GABRG3: variants seen among roughly 807,000 people sequenced by gnomAD.
GABRG3 encodes gamma-aminobutyric acid type A receptor subunit gamma3.
Under a neutral mutation model 48.8 loss-of-function variants are expected in GABRG3, and 25 were observed. The observed-to-expected ratio is 0.51, with a 90% CI of 0.37 to 0.72. GABRG3 has a LOEUF of 0.72. GABRG3 is among the 30% of genes least tolerant of loss of function. The pLI, the probability that GABRG3 is intolerant of heterozygous loss-of-function variation, is 0.00. For synonymous variants in GABRG3, 227 were observed against 217.6 expected (o/e 1.04, Z -0.38); for missense variants, 394 against 577.9 (o/e 0.68, Z 3.26).
At chr15:27,262,909 T>A (rs28499121) in intron 3 of GABRG3, among the ~76,000 whole-genome samples, 6 of 152,142 alleles carry the variant, frequency 3.9e-5, no homozygotes, top group African/African-American at 1.2e-4. Context: ...CCTAGTGCTA[T>A]TTTCTGCAAG....
intron 5 of GABRG3, among the ~76,000 whole-genome samples, chr15:27,478,815 A>C (rs1890024798): frequency 1.3e-5 from 2 of 152,236 alleles, no homozygotes; most frequent in Admixed American, 1.3e-4. Flanking sequence ...TTTGGCAATA[A>C]ATGAGAATGG....
At chr15:27,417,232 A>C (rs1244793782) in intron 5 of GABRG3, among the ~76,000 whole-genome samples, 1 of 152,186 alleles carries the variant, frequency 6.6e-6, no homozygotes, top group Non-Finnish European at 1.5e-5. Context: ...CAGTGGGTAG[A>C]GCCCAGAGAT....
chr15:27,400,473 T>C (rs534856839), intron 5 of GABRG3, among the ~76,000 whole-genome samples: 32 of 152,354 alleles, frequency 2.1e-4, no homozygotes, highest in South Asian at 4.1e-4. Flanking sequence ...GATACTATGC[T>C]TTGATGTTAA....
intron 3 of GABRG3, among the ~76,000 whole-genome samples, chr15:27,239,330 G>A (rs1451513303): frequency 6.6e-6 from 1 of 152,098 alleles, no homozygotes; most frequent in Non-Finnish European, 1.5e-5. Flanking sequence ...CCCTCTCTTC[G>A]TGGCCTTCCC....
intron 3 of GABRG3, among the ~76,000 whole-genome samples, chr15:27,229,196 G>A (rs1239683970): frequency 1.3e-5 from 2 of 152,048 alleles, no homozygotes; most frequent in Non-Finnish European, 2.9e-5. Context: ...CTATAGTTTT[G>A]GGTTTTACAT....
chr15:27,226,885 A>T (rs1294466992), intron 3 of GABRG3, among the ~76,000 whole-genome samples: 2 of 152,190 alleles, frequency 1.3e-5, no homozygotes, highest in African/African-American at 4.8e-5. Context: ...TTGGCCTAGG[A>T]TACGTTGTCC....
intron 3 of GABRG3, among the ~76,000 whole-genome samples, chr15:27,307,085 T>C (rs1401651304): frequency 3.1e-5 from 4 of 128,266 alleles, no homozygotes; most frequent in African/African-American, 1.3e-4. Flanking sequence ...CATGTTTATA[T>C]ATAAACATAT....
chr15:27,500,584 C>T (rs1045978991), intron 6 of GABRG3, among the ~76,000 whole-genome samples: 3 of 152,216 alleles, frequency 2.0e-5, no homozygotes, highest in Non-Finnish European at 4.4e-5. Flanking sequence ...AAAGCAGGCC[C>T]TTATATTCCC....
At chr15:26,977,694 G>A (rs1894978010) in intron 2 of GABRG3, among the ~76,000 whole-genome samples, 1 of 152,156 alleles carries the variant, frequency 6.6e-6, no homozygotes. Context: ...CATGGTATGA[G>A]TGTATCACAG....
chr15:27,008,766 C>T (rs1306909692), intron 2 of GABRG3, among the ~76,000 whole-genome samples: 1 of 152,124 alleles, frequency 6.6e-6, no homozygotes, highest in Non-Finnish European at 1.5e-5. Flanking sequence ...ACCCGCAGAG[C>T]AGCCACTGCT....
chr15:27,001,792 C>T (rs1007652950), intron 2 of GABRG3, among the ~76,000 whole-genome samples: 12 of 151,820 alleles, frequency 7.9e-5, no homozygotes, highest in African/African-American at 2.7e-4. Flanking sequence ...TCCTCCAAGG[C>T]AGTCCTTGAA....
chr15:27,292,236 A>G (rs1047642629), intron 3 of GABRG3, among the ~76,000 whole-genome samples: 7 of 149,724 alleles, frequency 4.7e-5, no homozygotes, highest in African/African-American at 1.7e-4. Flanking sequence ...TGAATAGTGC[A>G]CATGGACACA....
chr15:27,390,270 T>C (rs2140575644), intron 5 of GABRG3, among the ~76,000 whole-genome samples: 1 of 152,344 alleles, frequency 6.6e-6, no homozygotes, highest in Non-Finnish European at 1.5e-5. Context: ...TTAACATTAG[T>C]TCTGTAGAAA....
intron 3 of GABRG3, among the ~76,000 whole-genome samples, chr15:27,087,720 G>C (rs1264915451): frequency 6.6e-6 from 1 of 152,074 alleles, no homozygotes; most frequent in East Asian, 1.9e-4. Flanking sequence ...TATGTGTGTG[G>C]TATGTACATG....
intron 3 of GABRG3, among the ~76,000 whole-genome samples, chr15:27,231,009 A>G (rs1175408027): frequency 1.4e-4 from 20 of 143,508 alleles, no homozygotes; most frequent in Admixed American, 8.5e-4. Context: ...AAACAGTAAA[A>G]TGTGTGTGTG....
intron 3 of GABRG3, among the ~76,000 whole-genome samples, chr15:27,093,751 T>C (rs1486366961): frequency 2.0e-5 from 3 of 151,900 alleles, no homozygotes; most frequent in Non-Finnish European, 4.4e-5. Flanking sequence ...AGTCAGAGAG[T>C]GACATAAAGA....
At chr15:27,435,739 G>A (rs1320369392) in intron 5 of GABRG3, among the ~76,000 whole-genome samples, 1 of 152,192 alleles carries the variant, frequency 6.6e-6, no homozygotes, top group East Asian at 1.9e-4. Context: ...TAAACCCGGA[G>A]AGAGGCTAGC....
At chr15:27,142,542 T>A (rs1898124100) in intron 3 of GABRG3, among the ~76,000 whole-genome samples, 1 of 152,134 alleles carries the variant, frequency 6.6e-6, no homozygotes, top group Non-Finnish European at 1.5e-5. Context: ...ACCAGGTCCC[T>A]CCCACAACAT....
intron 5 of GABRG3, among the ~76,000 whole-genome samples, chr15:27,347,930 G>C (rs555151222): frequency 3.3e-5 from 5 of 152,098 alleles, no homozygotes; most frequent in Admixed American, 6.5e-5. Context: ...ATGGGTTCAA[G>C]AAAAGTCATT....
Sources: gnomAD v4.1 joint callset for allele counts (sites outside exome capture counted in the v4.1 genomes callset) on GRCh38, gnomAD v4.1.1 for gene constraint, MANE v1.5 for transcripts, NCBI Gene and HGNC (gene_info 2026-07-23, HGNC 2026-07-21) for gene names.